SCAI: variants seen among roughly 807,000 people sequenced by gnomAD.
The protein encoded by SCAI is protein SCAI.
Under a neutral mutation model 92.2 loss-of-function variants are expected in SCAI, and 24 were observed. The observed-to-expected ratio is 0.26, with a 90% CI of 0.19 to 0.37. The LOEUF is 0.37. Ranked by LOEUF, SCAI falls within the 10% of genes least tolerant of loss-of-function variation. The pLI is 1.00. For missense variants in SCAI, 450 were observed against 736.2 expected, an observed-to-expected ratio of 0.61 and a Z score of 4.50; for synonymous variants, 261 against 258.6, an observed-to-expected ratio of 1.01 and a Z score of -0.09.
rs551418752 is a variant in SCAI, at chr9:125,041,511, G to C, written c.231-11772C>G. ...TAAGCACTTGCCTGCAAGTTCCTTT[G>C]AGTTTCCAAAACTGATAAAATTAAT... On this transcript the variant is annotated intron_variant, in intron 3 of 17. Transcript: ENST00000336505. Among the ~76,000 whole-genome samples the C allele has an allele frequency of 8.5e-5, 13 of 152,256 alleles. No individual in the cohort carries two copies. The South Asian group carries it at 2.3e-3, about 27-fold the overall frequency.
At chr9:125,020,046 C>G in intron 7 of SCAI, among the ~76,000 whole-genome samples, 1 of 141,886 alleles carries the variant, frequency 7.0e-6, no homozygotes, top group Non-Finnish European at 1.5e-5. Context: ...TGTACTCCAG[C>G]TGGATGACAG....
In SCAI at chr9:125,122,572, G is replaced by C. The variant is rs1006627902; in HGVS notation, c.98+20061C>G. Among the ~76,000 whole-genome samples the C allele has an allele frequency of 2.4e-5, 3 of 123,128 alleles. No homozygotes were observed. The East Asian group carries it at 8.0e-4, about 33-fold the overall frequency. 80.8% of individuals were successfully genotyped at this position (123,128 alleles called of 152,430 possible). A position where few individuals can be genotyped will look rare whatever the true frequency, so the allele number is the denominator to read the frequency against. ...CTACTGCACTCCAGCCTGGGCAACA[G>C]AGTGAGACTCCATCTCAAAAAAAAA... On this transcript the variant is annotated intron_variant, in intron 2 of 17. Coordinates refer to ENST00000336505, the MANE Select transcript of SCAI (RefSeq NM_001144877.3).
At position 124,948,928 on chromosome 9, in the gene SCAI, G is replaced by A. The variant is rs1831193451; in HGVS notation, c.*3879C>T. 6.6e-6 allele frequency: 1 copy of A among 152,156 alleles called. No homozygotes were observed. Among genetic ancestry groups the A allele is most frequent in the Non-Finnish European group, 1.5e-5 (1 of 68,032 alleles). 9.4% of individuals were successfully genotyped at this position (152,156 alleles called of 1,614,324 possible). A position where few individuals can be genotyped will look rare whatever the true frequency, so the allele number is the denominator to read the frequency against. Reference sequence around the variant, plus strand: ...TAAATTTTTTTATAAAGGGCAGGTGGTATGCATTTTTAAAAAATGAAATTC... The same window carrying A: ...TAAATTTTTTTATAAAGGGCAGGTGATATGCATTTTTAAAAAATGAAATTC... On this transcript the variant is annotated 3_prime_UTR_variant, in exon 18 of 18. Transcript: ENST00000336505.
chr9:125,064,379 A>T (rs1033525443), intron 2 of SCAI, among the ~76,000 whole-genome samples: 2 of 152,178 alleles, frequency 1.3e-5, no homozygotes, highest in East Asian at 1.9e-4. Flanking sequence ...TCAAATAAAT[A>T]AATTAATTAA....
chr9:125,001,458 A>G (rs1419658908), intron 12 of SCAI, among the ~76,000 whole-genome samples: 2 of 152,226 alleles, frequency 1.3e-5, no homozygotes, highest in Admixed American at 6.5e-5. Flanking sequence ...GATTGAATCC[A>G]TAAAACAAAA....
At chr9:125,100,883 G>A (rs561175582) in intron 2 of SCAI, among the ~76,000 whole-genome samples, 32 of 152,178 alleles carry the variant, frequency 2.1e-4, no homozygotes, top group Non-Finnish European at 3.7e-4. Context: ...CACAGGCCCC[G>A]AGTTAGCTTG....
chr9:125,068,717 A>G (rs1348346999), intron 2 of SCAI, among the ~76,000 whole-genome samples: 4 of 152,274 alleles, frequency 2.6e-5, no homozygotes, highest in African/African-American at 9.6e-5. Context: ...TGGCTTGCTT[A>G]CCTCAGATAC....
In SCAI at chr9:125,065,213, G is replaced by GA. The variant is rs1833850161; in HGVS notation, c.99-9207_99-9206insT. Among the ~76,000 whole-genome samples, 5 of 150,798 alleles carry GA rather than the reference G, an allele frequency of 3.3e-5. No homozygotes were observed. In the South Asian group the frequency reaches 8.4e-4, roughly 25 times the overall value. ...AACCCTGGCAAGAATGACCCACGGG[G>GA]GAAAAAAAACAACAACAGAGAATAA... On this transcript the variant is annotated intron_variant, in intron 2 of 17. Transcript: ENST00000336505.
At chr9:125,078,586 TC>T (rs1834144157) in intron 2 of SCAI, among the ~76,000 whole-genome samples, 1 of 151,866 alleles carries the variant, frequency 6.6e-6, no homozygotes, top group East Asian at 1.9e-4. Context: ...GGTTCACCCT[TC>T]CCCCCACCAC....
intron 2 of SCAI, among the ~76,000 whole-genome samples, chr9:125,108,215 C>G (rs1218029788): frequency 6.6e-6 from 1 of 152,274 alleles, no homozygotes; most frequent in Admixed American, 6.5e-5. Flanking sequence ...GCCTTGGCCT[C>G]CCAAAGTGCC....
intron 14 of SCAI, among the ~76,000 whole-genome samples, chr9:124,982,308 C>T (rs1025320656): frequency 6.6e-6 from 1 of 152,164 alleles, no homozygotes. Flanking sequence ...GGCCTAACTG[C>T]TACAGAATGA....
At chr9:124,968,777 G>A (rs895426954) in intron 17 of SCAI, 61 of 881,684 alleles carry the variant, frequency 6.9e-5, no homozygotes, top group Admixed American at 5.2e-4. Context: ...GGTGGGGTGC[G>A]CAGGCCACGG....
intron 2 of SCAI, among the ~76,000 whole-genome samples, chr9:125,089,057 T>C (rs1163290562): frequency 1.3e-5 from 2 of 152,210 alleles, no homozygotes; most frequent in East Asian, 1.9e-4. Flanking sequence ...TGATATACCA[T>C]ATACCTTATC....
At chr9:124,968,545 CA>C in intron 17 of SCAI, 1 of 894,334 alleles carries the variant, frequency 1.1e-6, no homozygotes, top group Non-Finnish European at 1.9e-6. Context: ...ACACCACTCC[CA>C]AAGGAAACAT....
intron 2 of SCAI, among the ~76,000 whole-genome samples, chr9:125,102,066 C>G (rs77484378): frequency 0.013 from 1,946 of 152,246 alleles, 101 homozygotes; most frequent in Admixed American, 0.082. Flanking sequence ...CTGTCCTGTG[C>G]ACTGCAGGAT....
At chr9:125,083,727 T>C (rs1001384427) in intron 2 of SCAI, among the ~76,000 whole-genome samples, 1 of 152,136 alleles carries the variant, frequency 6.6e-6, no homozygotes, top group African/African-American at 2.4e-5. Flanking sequence ...GAGTCTTCTA[T>C]GTGCCAGGTA....
chr9:125,008,124 C>A (rs921959963), intron 9 of SCAI, among the ~76,000 whole-genome samples: 1 of 151,584 alleles, frequency 6.6e-6, no homozygotes, highest in Non-Finnish European at 1.5e-5. Context: ...GGATTACAGG[C>A]GTGAGCCACC....
chr9:125,031,102 G>A (rs1273615180), intron 3 of SCAI, among the ~76,000 whole-genome samples: 2 of 152,142 alleles, frequency 1.3e-5, no homozygotes, highest in Admixed American at 6.5e-5. Flanking sequence ...TAAGAATTTG[G>A]CTGTCTTGTA....
intron 3 of SCAI, among the ~76,000 whole-genome samples, chr9:125,047,061 C>T (rs1439396738): frequency 6.6e-6 from 1 of 152,052 alleles, no homozygotes; most frequent in Admixed American, 6.6e-5. Context: ...TTCAATAAAA[C>T]CAAGGGTTAT....
Sources: gnomAD v4.1 joint callset for allele counts (sites outside exome capture counted in the v4.1 genomes callset) on GRCh38, gnomAD v4.1.1 for gene constraint, MANE v1.5 for transcripts, NCBI Gene and HGNC (gene_info 2026-07-23, HGNC 2026-07-21) for gene names.